RSPO3: variants seen among roughly 807,000 people sequenced by gnomAD.
RSPO3 encodes R-spondin 3.
RSPO3 carries 17 observed loss-of-function variants against 36.5 expected under a neutral mutation model. The ratio of observed to expected loss-of-function variants is 0.47; its 90% CI spans 0.32 to 0.70. The LOEUF is 0.70. Ranked by LOEUF, RSPO3 falls within the 30% of genes least tolerant of loss-of-function variation. The pLI is 0.04. For synonymous variants in RSPO3, 108 were observed against 107.0 expected (o/e 1.01, Z -0.06); for missense variants, 294 against 322.5 (o/e 0.91, Z 0.68).
intron 1 of RSPO3, among the ~76,000 whole-genome samples, chr6:127,146,685 A>G (rs1774390616): frequency 6.6e-6 from 1 of 152,248 alleles, no homozygotes; most frequent in South Asian, 2.1e-4. Flanking sequence ...GCATGGACCA[A>G]TATGGTCCAT....
intron 1 of RSPO3, among the ~76,000 whole-genome samples, chr6:127,133,885 C>G (rs1049079514): frequency 2.0e-5 from 3 of 152,010 alleles, no homozygotes; most frequent in African/African-American, 7.2e-5. Flanking sequence ...CTGGAACTTA[C>G]CCTTGTAGTA....
intron 4 of RSPO3, among the ~76,000 whole-genome samples, chr6:127,173,841 G>T (rs917091766): frequency 6.6e-6 from 1 of 151,894 alleles, no homozygotes; most frequent in Non-Finnish European, 1.5e-5. Flanking sequence ...AGGCACGTGA[G>T]ATTGAGACTA....
chr6:127,186,869 T>C (rs1775305308), intron 4 of RSPO3, among the ~76,000 whole-genome samples: 1 of 152,164 alleles, frequency 6.6e-6, no homozygotes. Context: ...TGTATTCTGA[T>C]TTAAAATAAT....
Position 127,119,061 on chromosome 6 carries a change from T to A in RSPO3, c.-132T>A, listed in dbSNP as rs1217202386. The A allele has an allele frequency of 3.2e-6, 2 of 629,106 alleles. No individual in the cohort carries two copies. Among genetic ancestry groups the A allele is most frequent in the African/African-American group, 3.7e-5 (2 of 53,586 alleles). 39.0% of individuals were successfully genotyped at this position (629,106 alleles called of 1,614,324 possible). A position where few individuals can be genotyped will look rare whatever the true frequency, so the allele number is the denominator to read the frequency against. Reference sequence around the variant, plus strand: ...TTGCCATCACAGCACGCCTATCGGATGTGAGAGGAGAAGTCCCGCTGCTCG... The same window carrying A: ...TTGCCATCACAGCACGCCTATCGGAAGTGAGAGGAGAAGTCCCGCTGCTCG... On this transcript the variant is annotated 5_prime_UTR_variant, in exon 1 of 5. It removes an upstream start codon present in the reference 5' UTR. Coordinates refer to ENST00000356698, the MANE Select transcript of RSPO3 (RefSeq NM_032784.5).
chr6:127,141,687 A>T (rs1322670119), intron 1 of RSPO3, among the ~76,000 whole-genome samples: 1 of 152,186 alleles, frequency 6.6e-6, no homozygotes, highest in African/African-American at 2.4e-5. Flanking sequence ...CCTCTGGTGT[A>T]GGCACAGACT....
chr6:127,176,212 A>G (rs1775053193), intron 4 of RSPO3, among the ~76,000 whole-genome samples: 1 of 151,786 alleles, frequency 6.6e-6, no homozygotes, highest in Non-Finnish European at 1.5e-5. Flanking sequence ...GAGATACTTT[A>G]ATGTTCTAAA....
At chr6:127,159,561 T>G (rs556420053) in intron 4 of RSPO3, among the ~76,000 whole-genome samples, 12 of 152,136 alleles carry the variant, frequency 7.9e-5, no homozygotes, top group African/African-American at 2.9e-4. Flanking sequence ...TTGAGTATAC[T>G]GTAGGTTGCC....
At chr6:127,125,172 T>C (rs1177254106) in intron 1 of RSPO3, among the ~76,000 whole-genome samples, 1 of 152,148 alleles carries the variant, frequency 6.6e-6, no homozygotes, top group African/African-American at 2.4e-5. Context: ...TACTAAAGAA[T>C]ATGATTGTCC....
chr6:127,163,925 G>GCAT (rs1774761344), intron 4 of RSPO3, among the ~76,000 whole-genome samples: 2 of 152,064 alleles, frequency 1.3e-5, no homozygotes, highest in South Asian at 4.2e-4. Flanking sequence ...CAATATCACT[G>GCAT]CATCGCCTTC....
intron 3 of RSPO3, among the ~76,000 whole-genome samples, chr6:127,150,952 A>G (rs1582796224): frequency 6.6e-6 from 1 of 151,856 alleles, no homozygotes; most frequent in East Asian, 1.9e-4. Context: ...TATGTGACAT[A>G]CATATATGTC....
At chr6:127,137,140 C>A (rs1303226365) in intron 1 of RSPO3, among the ~76,000 whole-genome samples, 1 of 152,086 alleles carries the variant, frequency 6.6e-6, no homozygotes, top group African/African-American at 2.4e-5. Context: ...TGCCTGTAAT[C>A]CAGCACTTTG....
chr6:127,122,478 C>A (rs1773865148), intron 1 of RSPO3, among the ~76,000 whole-genome samples: 1 of 152,064 alleles, frequency 6.6e-6, no homozygotes, highest in South Asian at 2.1e-4. Flanking sequence ...CCTGAAATAG[C>A]CACTGAAGTG....
chr6:127,191,035 CTT>C (rs1176011983), intron 4 of RSPO3, among the ~76,000 whole-genome samples: 7 of 152,240 alleles, frequency 4.6e-5, no homozygotes, highest in Non-Finnish European at 8.8e-5. Flanking sequence ...GGATCACTCT[CTT>C]TGTCATTTTT....
rs375666411 is a variant in RSPO3 at position 127,146,817 on chromosome 6, G to A, written c.98-1831G>A. The stretch of plus-strand genomic sequence containing the variant: ...TTACAAGTTTTTATCTACACCTCTC[G>A]CTTCTTGAAATGGATAATGATAGAT... On this transcript the variant is annotated intron_variant, in intron 1 of 4. Coordinates refer to ENST00000356698, the MANE Select transcript of RSPO3 (RefSeq NM_032784.5). Among the ~76,000 whole-genome samples the A allele has an allele frequency of 3.9e-5, 6 of 152,122 alleles. No homozygotes were observed. In the South Asian group the frequency reaches 6.2e-4, roughly 16 times the overall value.
At chr6:127,124,105 C>T (rs1184045215) in intron 1 of RSPO3, among the ~76,000 whole-genome samples, 1 of 151,934 alleles carries the variant, frequency 6.6e-6, no homozygotes, top group African/African-American at 2.4e-5. Flanking sequence ...GTTTTCAGAG[C>T]CCTATGTAGA....
At chr6:127,156,987 T>C (rs1774607794) in intron 4 of RSPO3, among the ~76,000 whole-genome samples, 1 of 152,190 alleles carries the variant, frequency 6.6e-6, no homozygotes, top group East Asian at 1.9e-4. Context: ...AAAAAATTCT[T>C]GAAGACATGG....
chr6:127,182,837 A>AG (rs1428343750), intron 4 of RSPO3, among the ~76,000 whole-genome samples: 6 of 152,012 alleles, frequency 3.9e-5, no homozygotes, highest in Non-Finnish European at 5.9e-5. Flanking sequence ...AAAAGCCCCA[A>AG]GATCAGGCAA....
At chr6:127,130,023 T>A (rs978280917) in intron 1 of RSPO3, among the ~76,000 whole-genome samples, 1 of 152,132 alleles carries the variant, frequency 6.6e-6, no homozygotes, top group African/African-American at 2.4e-5. Context: ...TAGAACAAAC[T>A]TATGATTTCT....
chr6:127,178,562 T>C (rs1035379147), intron 4 of RSPO3, among the ~76,000 whole-genome samples: 5 of 151,732 alleles, frequency 3.3e-5, no homozygotes, highest in Admixed American at 2.0e-4. Flanking sequence ...TAACATTTAT[T>C]GCTTTGTATT....
Sources: gnomAD v4.1 joint callset for allele counts (sites outside exome capture counted in the v4.1 genomes callset) on GRCh38, gnomAD v4.1.1 for gene constraint, MANE v1.5 for transcripts, NCBI Gene and HGNC (gene_info 2026-07-23, HGNC 2026-07-21) for gene names.